Variants in PRKN observed in about 807,000 individuals in gnomAD.
The protein encoded by PRKN is parkin RBR E3 ubiquitin protein ligase.
In PRKN, 56 loss-of-function variants were observed where a neutral mutation model predicts 59.5. The observed-to-expected ratio is 0.94, with a 90% CI of 0.76 to 1.18. The LOEUF is 1.18. PRKN is among the 50% of genes most tolerant of loss of function. PRKN has a pLI of 0.00. For missense variants in PRKN, 657 were observed against 596.4 expected, an observed-to-expected ratio of 1.10 and a Z score of -1.06; for synonymous variants, 250 against 222.1, an observed-to-expected ratio of 1.13 and a Z score of -1.12.
Position 162,154,458 on chromosome 6 carries a change from A to G in PRKN, c.534+46673T>C, listed in dbSNP as rs1047959109. Among the ~76,000 whole-genome samples, 3 of 152,202 alleles carry G rather than the reference A, an allele frequency of 2.0e-5. No homozygotes were observed. In the East Asian group the frequency reaches 5.8e-4, roughly 30 times the overall value. Reference sequence around the variant, plus strand: ...ATTTGTGAAGTAGATGTGTTACAATAAAAAATGTTAGTAGATCAAGAAAAT... The same window carrying G: ...ATTTGTGAAGTAGATGTGTTACAATGAAAAATGTTAGTAGATCAAGAAAAT... On this transcript the variant is annotated intron_variant, in intron 4 of 11. Coordinates refer to ENST00000366898, the MANE Select transcript of PRKN (RefSeq NM_004562.3).
intron 9 of PRKN, among the ~76,000 whole-genome samples, chr6:161,394,590 C>T (rs1242983179): frequency 3.3e-5 from 5 of 152,162 alleles, no homozygotes; most frequent in South Asian, 2.1e-4. Flanking sequence ...TATCATCATG[C>T]GCGTGCACGT....
chr6:162,187,898 T>G (rs28609710), intron 4 of PRKN, among the ~76,000 whole-genome samples: 16,800 of 152,096 alleles, frequency 0.11, 1,172 homozygotes, highest in Admixed American at 0.21. Flanking sequence ...TTAATATGGT[T>G]TGGCTGTGTC....
At chr6:162,059,023 T>C (rs1777987447) in intron 4 of PRKN, among the ~76,000 whole-genome samples, 1 of 151,984 alleles carries the variant, frequency 6.6e-6, no homozygotes, top group African/African-American at 2.4e-5. Flanking sequence ...CCCAGTTATA[T>C]TTTGCTTCAC....
intron 7 of PRKN, among the ~76,000 whole-genome samples, chr6:161,705,568 T>G (rs915928076): frequency 1.3e-5 from 2 of 152,154 alleles, no homozygotes; most frequent in Admixed American, 1.3e-4. Flanking sequence ...TATTTGAAAT[T>G]TCTAATGATA....
chr6:161,594,693 T>G (rs1402486213), intron 7 of PRKN, among the ~76,000 whole-genome samples: 1 of 151,252 alleles, frequency 6.6e-6, no homozygotes, highest in Non-Finnish European at 1.5e-5. Context: ...ATATAAATAT[T>G]TTTACATAGA....
rs1429809671 is a variant in PRKN, at chr6:161,349,074, G to C, written c.*1025C>G. The C allele has an allele frequency of 3.6e-5, 8 of 220,696 alleles. No homozygotes were observed. Among genetic ancestry groups the C allele is most frequent in the Non-Finnish European group, 7.3e-5 (8 of 110,228 alleles). 13.7% of individuals were successfully genotyped at this position (220,696 alleles called of 1,614,324 possible). A position where few individuals can be genotyped will look rare whatever the true frequency, so the allele number is the denominator to read the frequency against. ...GGGGTATAAACCCTTCTGATGGAGA[G>C]AGTCGGGCGTGTCTTCATTTTGGTA... is the stretch of plus-strand genomic sequence containing the variant. On this transcript the variant is annotated 3_prime_UTR_variant, in exon 12 of 12. Coordinates refer to ENST00000366898, the MANE Select transcript of PRKN (RefSeq NM_004562.3). This position sits in a 1 kb window ranked among gnomAD's most constrained non-coding sequence, Gnocchi z 5.5.
intron 1 of PRKN, among the ~76,000 whole-genome samples, chr6:162,710,299 AAGG>A (rs1192358414): frequency 1.3e-5 from 2 of 150,962 alleles, no homozygotes; most frequent in African/African-American, 2.4e-5. Flanking sequence ...CAGCTGCTTT[AAGG>A]AGAAGGATGA....
At chr6:162,510,693 G>C (rs118111908) in intron 1 of PRKN, among the ~76,000 whole-genome samples, 2,290 of 152,192 alleles carry the variant, frequency 0.015, 22 homozygotes, top group Non-Finnish European at 0.027. Flanking sequence ...GAGGCCGGGC[G>C]AGCAGATCAC....
chr6:162,164,043 G>T (rs910249804), intron 4 of PRKN, among the ~76,000 whole-genome samples: 2 of 149,292 alleles, frequency 1.3e-5, no homozygotes, highest in Admixed American at 6.7e-5. Flanking sequence ...AATAGGTTTT[G>T]TGAGGTTGAG....
chr6:162,585,336 G>T (rs13208970), intron 1 of PRKN, among the ~76,000 whole-genome samples: 18,712 of 152,170 alleles, frequency 0.12, 1,263 homozygotes, highest in Middle Eastern at 0.2. Context: ...TGGGGGCCAT[G>T]TCCTCCGACA....
At chr6:161,531,010 C>T (rs1779184844) in intron 9 of PRKN, among the ~76,000 whole-genome samples, 1 of 152,160 alleles carries the variant, frequency 6.6e-6, no homozygotes, top group Admixed American at 6.5e-5. Context: ...CAGAACATAG[C>T]ACTCCACCAT....
chr6:161,751,461 C>T (rs951820792), intron 7 of PRKN, among the ~76,000 whole-genome samples: 18 of 152,194 alleles, frequency 1.2e-4, no homozygotes, highest in African/African-American at 4.3e-4. Context: ...TACTACATTA[C>T]ACATTTATGA....
At chr6:161,951,256 C>A (rs1329648991) in intron 6 of PRKN, among the ~76,000 whole-genome samples, 1 of 152,080 alleles carries the variant, frequency 6.6e-6, no homozygotes, top group East Asian at 1.9e-4. Flanking sequence ...TAATTAGATG[C>A]TAAAAATAGA....
intron 3 of PRKN, among the ~76,000 whole-genome samples, chr6:162,227,527 C>T (rs765806911): frequency 3.3e-5 from 5 of 152,108 alleles, no homozygotes; most frequent in Non-Finnish European, 5.9e-5. Context: ...CCCACAAACA[C>T]TTGTTTTACT....
chr6:162,208,533 T>G (rs1785054683), intron 3 of PRKN, among the ~76,000 whole-genome samples: 1 of 152,204 alleles, frequency 6.6e-6, no homozygotes, highest in Non-Finnish European at 1.5e-5. Context: ...CCAATTTATT[T>G]TTTCATTTTT....
chr6:162,403,217 G>A (rs940838562), intron 2 of PRKN, among the ~76,000 whole-genome samples: 1 of 152,000 alleles, frequency 6.6e-6, no homozygotes, highest in Non-Finnish European at 1.5e-5. Context: ...CTTGTAGCTC[G>A]CCTCCAGCTC....
intron 1 of PRKN, among the ~76,000 whole-genome samples, chr6:162,555,909 T>C (rs1412555923): frequency 7.0e-6 from 1 of 142,422 alleles, no homozygotes; most frequent in Non-Finnish European, 1.5e-5. Flanking sequence ...GAGAATCGCT[T>C]GAACCTGGGA....
Position 161,518,289 on chromosome 6 carries a change from T to C in PRKN, c.1083+30565A>G, listed in dbSNP as rs546517115. Reference sequence around the variant, plus strand: ...TTCTCTCAGGACAGCTCAGCCCTGCTTTCCAGAAGATGAGAGGACTTCACA... The same window carrying C: ...TTCTCTCAGGACAGCTCAGCCCTGCCTTCCAGAAGATGAGAGGACTTCACA... On this transcript the variant is annotated intron_variant, in intron 9 of 11. Coordinates refer to ENST00000366898, the MANE Select transcript of PRKN (RefSeq NM_004562.3). The surrounding 1 kb of genome is among the most constrained non-coding windows in gnomAD (Gnocchi z 5.0). Among the ~76,000 whole-genome samples the C allele has an allele frequency of 5.9e-5, 9 of 152,340 alleles. No individual in the cohort carries two copies. Among genetic ancestry groups the C allele is most frequent in the African/African-American group, 1.9e-4 (8 of 41,580 alleles).
chr6:161,929,517 CTTTT>C (rs759945931), intron 6 of PRKN, among the ~76,000 whole-genome samples: 3 of 72,256 alleles, frequency 4.2e-5, no homozygotes, highest in African/African-American at 1.1e-4. Context: ...AATTTCACCT[CTTTT>C]TTTTTTTTTT....
Sources: gnomAD v4.1 joint callset for allele counts (sites outside exome capture counted in the v4.1 genomes callset) on GRCh38, gnomAD v4.1.1 for gene constraint, Gnocchi (gnomAD v3.1) non-coding constraint, MANE v1.5 for transcripts, NCBI Gene and HGNC (gene_info 2026-07-23, HGNC 2026-07-21) for gene names.